The following ADAM32 variants were observed in gnomAD, a reference collection of about 807,000 sequenced individuals.
The protein encoded by ADAM32 is ADAM metallopeptidase domain 32, also known as disintegrin and metalloproteinase domain-containing protein 32.
A neutral mutation model predicts 114.9 loss-of-function variants in ADAM32; 89 were observed. The ratio of observed to expected loss-of-function variants is 0.77; its 90% CI spans 0.65 to 0.92. The LOEUF (loss-of-function observed/expected upper bound fraction) is 0.92. ADAM32 is among the 40% of genes least tolerant of loss of function. The pLI, the probability that ADAM32 is intolerant of heterozygous loss-of-function variation, is 0.00. For synonymous variants in ADAM32, 285 were observed against 307.5 expected, an observed-to-expected ratio of 0.93 and a Z score of 0.77; for missense variants, 870 against 932.8, an observed-to-expected ratio of 0.93 and a Z score of 0.88.
intron 24 of ADAM32, 101 bp from the exon 25 acceptor site, chr8:39,284,692 C>A: frequency 3.9e-6 from 5 of 1,287,094 alleles, no homozygotes; most frequent in Non-Finnish European, 5.5e-6. Context: ...TTTTTTCGTG[C>A]CACATGAATT....
At chr8:39,248,470 T>C (rs1021971478) in intron 17 of ADAM32, among the ~76,000 whole-genome samples, 3 of 152,202 alleles carry the variant, frequency 2.0e-5, no homozygotes, top group Non-Finnish European at 4.4e-5. Context: ...GTATTATGTC[T>C]TTAATTTCAA....
chr8:39,230,116 T>C (rs1675880005), intron 14 of ADAM32, among the ~76,000 whole-genome samples: 1 of 152,182 alleles, frequency 6.6e-6, no homozygotes, highest in Non-Finnish European at 1.5e-5. Context: ...AATAGGCTAC[T>C]GCACATCAAA....
At chr8:39,131,393 A>C (rs1802447494) in intron 2 of ADAM32, among the ~76,000 whole-genome samples, 1 of 152,152 alleles carries the variant, frequency 6.6e-6, no homozygotes, top group Non-Finnish European at 1.5e-5. Flanking sequence ...TGGGAGGCTG[A>C]GGTGGGAGTA....
At chr8:39,146,972 T>C (rs929488849) in intron 3 of ADAM32, among the ~76,000 whole-genome samples, 158 bp from the exon 4 acceptor site, 3 of 152,188 alleles carry the variant, frequency 2.0e-5, no homozygotes, top group Non-Finnish European at 4.4e-5. Context: ...AAAAGAGCCA[T>C]GACAATATGT....
At chr8:39,266,214 G>T (rs1038237799) in intron 19 of ADAM32, among the ~76,000 whole-genome samples, 4 of 152,178 alleles carry the variant, frequency 2.6e-5, no homozygotes, top group African/African-American at 9.7e-5. Flanking sequence ...AACATCTCTA[G>T]TGAGGTTGGG....
intron 3 of ADAM32, among the ~76,000 whole-genome samples, chr8:39,139,076 C>T (rs1216462017): frequency 6.6e-6 from 1 of 152,088 alleles, no homozygotes; most frequent in Non-Finnish European, 1.5e-5. Context: ...TGGATATTAG[C>T]CCTTTGTCAG....
chr8:39,276,985 C>G (rs1384900659), intron 22 of ADAM32, among the ~76,000 whole-genome samples: 1 of 152,116 alleles, frequency 6.6e-6, no homozygotes, highest in Non-Finnish European at 1.5e-5. Flanking sequence ...GAATGAATGA[C>G]TACCTTTGAT....
At chr8:39,136,573 T>C in intron 2 of ADAM32, 84 bp from the exon 3 acceptor site, 2 of 834,416 alleles carry the variant, frequency 2.4e-6, no homozygotes, top group Non-Finnish European at 3.7e-6. Context: ...TAAGCATTGT[T>C]TGGACAGATT....
intron 3 of ADAM32, among the ~76,000 whole-genome samples, chr8:39,143,353 C>A (rs1803294000): frequency 6.6e-6 from 1 of 152,174 alleles, no homozygotes; most frequent in Non-Finnish European, 1.5e-5. Flanking sequence ...GTTTTACCTA[C>A]CTTTAGTCTT....
chr8:39,162,185 G>T (rs1378387706), intron 7 of ADAM32, among the ~76,000 whole-genome samples: 4 of 115,374 alleles, frequency 3.5e-5, no homozygotes, highest in Non-Finnish European at 4.9e-5. Context: ...AATAGGCCCT[G>T]GTGTGTGATG....
intron 11 of ADAM32, among the ~76,000 whole-genome samples, chr8:39,190,463 C>G (rs138604053): frequency 6.6e-6 from 1 of 152,272 alleles, no homozygotes; most frequent in South Asian, 2.1e-4. Context: ...TTTTGAGAAA[C>G]CTCCACAATA....
chr8:39,137,615 A>G (rs1049221073), intron 3 of ADAM32, among the ~76,000 whole-genome samples: 2 of 152,130 alleles, frequency 1.3e-5, no homozygotes, highest in South Asian at 4.2e-4. Context: ...ACTAAAAAAT[A>G]CAAAAATTAG....
At chr8:39,236,299 T>G (rs906586534) in intron 16 of ADAM32, among the ~76,000 whole-genome samples, 2 of 152,188 alleles carry the variant, frequency 1.3e-5, no homozygotes, top group African/African-American at 4.8e-5. Flanking sequence ...TTTTTTACTA[T>G]GTAAAACTTT....
At chr8:39,231,943 A>G in intron 14 of ADAM32, 84 bp from the exon 15 acceptor site, 2 of 1,100,118 alleles carry the variant, frequency 1.8e-6, no homozygotes, top group Non-Finnish European at 2.7e-6. Flanking sequence ...TAATGGAGAG[A>G]TAAAGGGAAT....
intron 17 of ADAM32, 129 bp downstream of exon 17, chr8:39,246,295 T>C (rs1174813886): frequency 8.4e-6 from 6 of 714,320 alleles, no homozygotes; most frequent in Admixed American, 6.0e-5. Flanking sequence ...AATTGAGAGC[T>C]GAATTAAGTC....
intron 11 of ADAM32, among the ~76,000 whole-genome samples, chr8:39,188,598 T>G (rs925806164): frequency 3.9e-5 from 6 of 152,130 alleles, no homozygotes; most frequent in African/African-American, 4.8e-5. Context: ...TTACATATAT[T>G]AACTTACTTG....
At chr8:39,158,179 A>G (rs1176189403) in intron 6 of ADAM32, 2 of 179,510 alleles carry the variant, frequency 1.1e-5, no homozygotes, top group African/African-American at 4.8e-5. Context: ...GTTCACCTGG[A>G]TGTCCATTAG....
intron 10 of ADAM32, among the ~76,000 whole-genome samples, chr8:39,177,816 A>G (rs575342472): frequency 1.2e-4 from 19 of 152,294 alleles, no homozygotes; most frequent in Admixed American, 9.8e-4. Flanking sequence ...ATTCTTTTCT[A>G]TAAGAATGTT....
At chr8:39,199,387 T>C (rs1807224705) in intron 11 of ADAM32, among the ~76,000 whole-genome samples, 1 of 152,212 alleles carries the variant, frequency 6.6e-6, no homozygotes, top group Non-Finnish European at 1.5e-5. Flanking sequence ...GTAGGCTTTC[T>C]GTCATATATG....
Sources: gnomAD v4.1 joint callset for allele counts (sites outside exome capture counted in the v4.1 genomes callset) on GRCh38, gnomAD v4.1.1 for gene constraint, MANE v1.5 for transcripts, NCBI Gene and HGNC (gene_info 2026-07-23, HGNC 2026-07-21) for gene names.